The following CTNNA2 variants were observed in gnomAD, a reference collection of about 807,000 sequenced individuals.
The protein encoded by CTNNA2 is catenin alpha 2.
A neutral mutation model predicts 101.0 loss-of-function variants in CTNNA2; 42 were observed. That is an observed-to-expected ratio of 0.42 (90% CI 0.32 to 0.54). The LOEUF (loss-of-function observed/expected upper bound fraction) is 0.54, where lower values mean the gene tolerates loss of function less well. Among genes scored for constraint, CTNNA2 ranks in the 20% least tolerant of loss-of-function variants. CTNNA2 has a pLI of 0.14. For missense variants in CTNNA2, 871 were observed against 1,223.1 expected, an observed-to-expected ratio of 0.71 and a Z score of 4.29; for synonymous variants, 450 against 456.4, an observed-to-expected ratio of 0.99 and a Z score of 0.18.
chr2:80,208,836 T>C (rs1433713173), intron 7 of CTNNA2, among the ~76,000 whole-genome samples: 1 of 152,178 alleles, frequency 6.6e-6, no homozygotes, highest in Non-Finnish European at 1.5e-5. Context: ...CCATTTCTAA[T>C]ATTTGTTATG....
chr2:79,278,048 G>T (rs1227129175), intron 2 of CTNNA2, among the ~76,000 whole-genome samples: 1 of 152,100 alleles, frequency 6.6e-6, no homozygotes, highest in African/African-American at 2.4e-5. Flanking sequence ...ACTTAAGGGT[G>T]GTGGAGGATG....
chr2:79,735,659 AATAAGT>A (rs1670824614), intron 2 of CTNNA2, among the ~76,000 whole-genome samples: 1 of 152,228 alleles, frequency 6.6e-6, no homozygotes, highest in Non-Finnish European at 1.5e-5. Context: ...TACAATAATT[AATAAGT>A]ATAATACGTT....
At chr2:79,373,769 C>T (rs973128244) in intron 3 of CTNNA2, 24 of 152,142 alleles carry the variant, frequency 1.6e-4, no homozygotes, top group African/African-American at 5.3e-4. Flanking sequence ...TAATCACATT[C>T]ATTATCATAT....
intron 7 of CTNNA2, among the ~76,000 whole-genome samples, chr2:79,956,934 G>A (rs1280708508): frequency 7.0e-6 from 1 of 143,496 alleles, no homozygotes; most frequent in Non-Finnish European, 1.5e-5. Context: ...TGGATCTAGT[G>A]CAGAATGATG....
intron 4 of CTNNA2, among the ~76,000 whole-genome samples, chr2:79,455,398 G>T (rs756629895): frequency 4.1e-4 from 62 of 152,272 alleles, no homozygotes; most frequent in Non-Finnish European, 7.2e-4. Flanking sequence ...CTCCCTGTCT[G>T]TGGGGTTGCC....
chr2:79,655,097 A>G (rs1358289585), intron 2 of CTNNA2, among the ~76,000 whole-genome samples: 2 of 152,214 alleles, frequency 1.3e-5, no homozygotes, highest in South Asian at 2.1e-4. Flanking sequence ...GTAGCCTTTC[A>G]TCACAGATAG....
chr2:79,493,839 A>C (rs1671228286), intron 4 of CTNNA2: 1 of 152,190 alleles, frequency 6.6e-6, no homozygotes, highest in South Asian at 2.1e-4. Flanking sequence ...TCTCATCTTT[A>C]TGAGCTGATA....
At chr2:80,545,189 T>A in intron 10 of CTNNA2, 115 bp downstream of exon 10, 1 of 922,408 alleles carries the variant, frequency 1.1e-6, no homozygotes, top group Non-Finnish European at 1.6e-6. Flanking sequence ...ACTCATCATT[T>A]ATGAGCTGTT....
chr2:80,610,276 G>A (rs899454264), intron 17 of CTNNA2, among the ~76,000 whole-genome samples: 2 of 151,328 alleles, frequency 1.3e-5, no homozygotes, highest in Non-Finnish European at 3.0e-5. Flanking sequence ...TTCACTGATG[G>A]CCAATGGAGA....
Position 79,354,067 on chromosome 2 carries a change from G to A in CTNNA2, c.-317-19764G>A, listed in dbSNP as rs149130460. Among the ~76,000 whole-genome samples, 251 of 152,144 alleles carry A rather than the reference G, an allele frequency of 1.6e-3. 2 individuals are homozygous for A. The East Asian group carries it at 0.032, about 20-fold the overall frequency. ...ATGCTAGACTGTTGGAGTTCTCTCT[G>A]TAAGTGACCTGGCCCTCCCTCTAGC... On this transcript the variant is annotated intron_variant, in intron 3 of 21. Coordinates refer to the CTNNA2 transcript ENST00000466387.
intron 4 of CTNNA2, among the ~76,000 whole-genome samples, chr2:79,466,367 A>G (rs1670935210): frequency 6.6e-6 from 1 of 152,200 alleles, no homozygotes; most frequent in Non-Finnish European, 1.5e-5. Flanking sequence ...GAGTAGGTAA[A>G]CAAAGTAGCC....
chr2:79,454,205 C>T (rs1247407197), intron 4 of CTNNA2, among the ~76,000 whole-genome samples: 2 of 152,090 alleles, frequency 1.3e-5, no homozygotes, highest in Non-Finnish European at 2.9e-5. Flanking sequence ...CAATTTCTCC[C>T]ATTTTTCAGT....
In CTNNA2 at chr2:79,457,454, A is replaced by C. The variant is rs1573174857; in HGVS notation, c.-134-47600A>C. 2.0e-5 allele frequency among the ~76,000 whole-genome samples: 3 copies of C among 152,276 alleles called. 1 individual carries two copies. The South Asian group carries it at 6.2e-4, about 32-fold the overall frequency. On this transcript the variant is annotated intron_variant, in intron 4 of 21. Transcript: ENST00000466387. ...AAAAATGAAATATTGATTTTCAAAC[A>C]TGAAAGGAAAATGATTATAAATATA... is the stretch of plus-strand genomic sequence containing the variant.
intron 4 of CTNNA2, among the ~76,000 whole-genome samples, chr2:79,490,704 C>T (rs1671200217): frequency 1.3e-5 from 2 of 152,090 alleles, no homozygotes; most frequent in South Asian, 4.1e-4. Context: ...CACACTTAGG[C>T]CTTAGGCTTT....
chr2:80,465,708 A>C (rs76423104), intron 9 of CTNNA2, among the ~76,000 whole-genome samples: 18,515 of 152,166 alleles, frequency 0.12, 1,456 homozygotes, highest in South Asian at 0.27. Flanking sequence ...CTTCTTCTTT[A>C]TTTCTTTTAA....
chr2:79,586,158 G>A (rs530086532), intron 1 of CTNNA2, among the ~76,000 whole-genome samples: 1 of 152,012 alleles, frequency 6.6e-6, no homozygotes, highest in Non-Finnish European at 1.5e-5. Flanking sequence ...TCTGCACCGG[G>A]TGCTGAACAC....
At chr2:80,317,902 G>C (rs1678283535) in intron 7 of CTNNA2, among the ~76,000 whole-genome samples, 1 of 152,068 alleles carries the variant, frequency 6.6e-6, no homozygotes, top group Admixed American at 6.6e-5. Flanking sequence ...GCTTCAAGCA[G>C]GTTGTTTTTC....
chr2:80,109,554 C>G (rs1401843647), intron 7 of CTNNA2, among the ~76,000 whole-genome samples: 1 of 152,174 alleles, frequency 6.6e-6, no homozygotes, highest in Admixed American at 6.5e-5. Flanking sequence ...CAGACCAGCA[C>G]TACATTGTCA....
At chr2:79,341,004 C>T (rs1010955123) in intron 3 of CTNNA2, among the ~76,000 whole-genome samples, 4 of 151,074 alleles carry the variant, frequency 2.6e-5, no homozygotes, top group Non-Finnish European at 5.9e-5. Flanking sequence ...CTATCATGTA[C>T]AATAAATATG....
Sources: gnomAD v4.1 joint callset for allele counts (sites outside exome capture counted in the v4.1 genomes callset) on GRCh38, gnomAD v4.1.1 for gene constraint, MANE v1.5 for transcripts, NCBI Gene and HGNC (gene_info 2026-07-23, HGNC 2026-07-21) for gene names.